Variants in SPATA13 observed in about 807,000 individuals in gnomAD.
The protein encoded by SPATA13 is spermatogenesis-associated protein 13.
In SPATA13, 50 loss-of-function variants were observed where a neutral mutation model predicts 104.0. The observed-to-expected ratio is 0.48, with a 90% CI of 0.38 to 0.61. SPATA13 has a LOEUF of 0.61. Ranked by LOEUF, SPATA13 falls within the 20% of genes least tolerant of loss-of-function variation. SPATA13 has a pLI of 0.00. For missense variants in SPATA13, 1,524 were observed against 1,690.6 expected, an observed-to-expected ratio of 0.90 and a Z score of 1.73; for synonymous variants, 606 against 667.5, an observed-to-expected ratio of 0.91 and a Z score of 1.42.
At chr13:24,180,578 G>A (rs1017968042) in intron 1 of SPATA13, among the ~76,000 whole-genome samples, 1 of 152,052 alleles carries the variant, frequency 6.6e-6, no homozygotes, top group Admixed American at 6.5e-5. Context: ...GCTGAATTTG[G>A]GATGCATTGC....
chr13:23,986,725 G>A (rs1336340517), intron 2 of SPATA13, among the ~76,000 whole-genome samples: 1 of 152,206 alleles, frequency 6.6e-6, no homozygotes, highest in African/African-American at 2.4e-5. Context: ...TCTTGGCTAT[G>A]ATGTCTTAGC....
intron 9 of SPATA13, among the ~76,000 whole-genome samples, chr13:24,294,069 C>A (rs552019463): frequency 9.2e-5 from 14 of 152,332 alleles, no homozygotes; most frequent in African/African-American, 3.4e-4. Context: ...ATGCTCTGTG[C>A]TAGCCTGTGT....
At chr13:23,995,838 G>A (rs1470049150) in intron 2 of SPATA13, among the ~76,000 whole-genome samples, 1 of 151,970 alleles carries the variant, frequency 6.6e-6, no homozygotes, top group African/African-American at 2.4e-5. Flanking sequence ...GAGAACTGGG[G>A]AAGGGTGAGG....
chr13:24,046,949 ATTAC>A (rs57970477), intron 3 of SPATA13, among the ~76,000 whole-genome samples: 37,233 of 151,732 alleles, frequency 0.25, 5,014 homozygotes, highest in African/African-American at 0.36. Flanking sequence ...ACAGGAGTTT[ATTAC>A]TTTATTACTC....
upstream of SPATA13, among the ~76,000 whole-genome samples, chr13:24,156,352 A>G (rs1316343747): frequency 6.6e-6 from 1 of 152,068 alleles, no homozygotes; most frequent in African/African-American, 2.4e-5. Context: ...TCCCCCCTCC[A>G]AACCCAGGTG....
At chr13:24,219,965 T>C (rs986175197) in intron 1 of SPATA13, among the ~76,000 whole-genome samples, 1 of 152,214 alleles carries the variant, frequency 6.6e-6, no homozygotes, top group Non-Finnish European at 1.5e-5. Flanking sequence ...CCTTCATTCC[T>C]GGGTCAGTCA....
At chr13:23,989,743 A>T (rs1355680896) in intron 2 of SPATA13, among the ~76,000 whole-genome samples, 1 of 152,176 alleles carries the variant, frequency 6.6e-6, no homozygotes, top group Admixed American at 6.5e-5. Flanking sequence ...CTATGCTGAA[A>T]TCTAACCCCC....
chr13:24,087,753 A>G (rs1245298163), intron 3 of SPATA13, among the ~76,000 whole-genome samples: 1 of 152,164 alleles, frequency 6.6e-6, no homozygotes, highest in Non-Finnish European at 1.5e-5. Context: ...TCTTTGATCT[A>G]CAACTTGGCA....
chr13:24,075,123 C>G (rs561166347), intron 3 of SPATA13, among the ~76,000 whole-genome samples: 2 of 152,362 alleles, frequency 1.3e-5, no homozygotes, highest in South Asian at 4.1e-4. Context: ...GTGCCCCAGT[C>G]CTGCTCTGCT....
chr13:24,302,725 C>T lies in SPATA13; in HGVS notation c.3786C>T (p.Ser1262=), dbSNP rs868163408. The T allele has an allele frequency of 6.2e-7, 1 of 1,614,138 alleles. No homozygotes were observed. Among genetic ancestry groups the T allele is most frequent in the East Asian group, 2.2e-5 (1 of 44,870 alleles). Residue 1262 remains serine (S), a synonymous_variant, in exon 13 of 13, where the codon TCC becomes TCT. Coordinates refer to ENST00000382108, the MANE Select transcript of SPATA13 (RefSeq NM_001166271.3). ...VFGLAEPKRK[S]SLFWHTFNRL... ...GCCTGGCGGAACCCAAGAGGAAGTC[C>T]TCGCTCTTCTGGCACACCTTCAACA...
At chr13:24,009,047 C>T (rs1174330440) in intron 2 of SPATA13, among the ~76,000 whole-genome samples, 1 of 152,218 alleles carries the variant, frequency 6.6e-6, no homozygotes, top group Non-Finnish European at 1.5e-5. Flanking sequence ...CCATCCATCA[C>T]GTGGGGTAGG....
chr13:24,171,970 T>G (rs1302001367), intron 1 of SPATA13, among the ~76,000 whole-genome samples: 1 of 152,178 alleles, frequency 6.6e-6, no homozygotes, highest in Non-Finnish European at 1.5e-5. Flanking sequence ...GAGGGGTTAC[T>G]CAGATTCTCC....
intron 1 of SPATA13, among the ~76,000 whole-genome samples, chr13:24,202,886 G>A (rs1054944264): frequency 1.3e-5 from 2 of 152,098 alleles, no homozygotes; most frequent in Non-Finnish European, 2.9e-5. Flanking sequence ...GCCCAATTTA[G>A]GAGTGGAGAA....
intron 3 of SPATA13, among the ~76,000 whole-genome samples, chr13:24,104,049 C>T (rs560824803): frequency 2.0e-5 from 3 of 152,182 alleles, no homozygotes; most frequent in South Asian, 2.1e-4. Context: ...GACATAGGAA[C>T]GTTGTGATTT....
At chr13:24,256,116 A>G (rs1299008288) in intron 4 of SPATA13, among the ~76,000 whole-genome samples, 1 of 152,192 alleles carries the variant, frequency 6.6e-6, no homozygotes, top group South Asian at 2.1e-4. Flanking sequence ...GGTTCATGGT[A>G]TTATCTGCTT....
At chr13:24,024,403 A>C (rs1379918399) in intron 3 of SPATA13, among the ~76,000 whole-genome samples, 3 of 152,144 alleles carry the variant, frequency 2.0e-5, no homozygotes, top group Non-Finnish European at 4.4e-5. Context: ...TGAAGGAATG[A>C]TGAACCAGGC....
At chr13:24,056,686 G>C (rs947476153) in intron 3 of SPATA13, among the ~76,000 whole-genome samples, 6 of 152,204 alleles carry the variant, frequency 3.9e-5, no homozygotes, top group Non-Finnish European at 8.8e-5. Flanking sequence ...GGATGGCCCT[G>C]CCTTCTTAGC....
chr13:24,063,615 C>T (rs1279092365), intron 3 of SPATA13, among the ~76,000 whole-genome samples: 1 of 152,132 alleles, frequency 6.6e-6, no homozygotes, highest in African/African-American at 2.4e-5. Context: ...TGGCTGCCAT[C>T]CAATTACACA....
At chr13:24,005,979 T>C (rs1168253170) in intron 2 of SPATA13, among the ~76,000 whole-genome samples, 1 of 152,218 alleles carries the variant, frequency 6.6e-6, no homozygotes, top group Non-Finnish European at 1.5e-5. Flanking sequence ...ATTGCTCTGT[T>C]TGGACCCATG....
Sources: allele counts gnomAD v4.1 joint callset (sites outside exome capture counted in the v4.1 genomes callset), GRCh38; gene constraint gnomAD v4.1.1; transcripts MANE v1.5; gene names NCBI Gene and HGNC (gene_info 2026-07-23, HGNC 2026-07-21).